The following AVL9 variants were observed in gnomAD, a reference collection of about 807,000 sequenced individuals.
AVL9 encodes late secretory pathway protein AVL9 homolog.
Under a neutral mutation model 79.2 loss-of-function variants are expected in AVL9, and 49 were observed. The observed-to-expected ratio is 0.62, with a 90% CI of 0.49 to 0.79. AVL9 has a LOEUF of 0.79. AVL9 is among the 30% of genes least tolerant of loss of function. AVL9 has a pLI of 0.00. For synonymous variants in AVL9, 299 were observed against 280.6 expected (o/e 1.07, Z -0.65); for missense variants, 682 against 776.8 (o/e 0.88, Z 1.45).
At chr7:32,525,387 A>C (rs1384740876) in intron 1 of AVL9, among the ~76,000 whole-genome samples, 2 of 152,222 alleles carry the variant, frequency 1.3e-5, no homozygotes, top group Non-Finnish European at 2.9e-5. Context: ...CAACAAAGCC[A>C]ACTTAAGAGC....
chr7:32,553,935 A>G (rs973287065), intron 7 of AVL9, among the ~76,000 whole-genome samples, 168 bp downstream of exon 7: 1 of 152,180 alleles, frequency 6.6e-6, no homozygotes, highest in African/African-American at 2.4e-5. Context: ...AACTATACAA[A>G]ATTAAAAGTG....
chr7:32,506,536 T>G (rs1363694170), intron 1 of AVL9, among the ~76,000 whole-genome samples: 1 of 152,158 alleles, frequency 6.6e-6, no homozygotes, highest in Admixed American at 6.5e-5. Context: ...GCACACAATT[T>G]AAGACTTATG....
intron 11 of AVL9, among the ~76,000 whole-genome samples, chr7:32,571,369 A>C (rs1790836349): frequency 6.6e-6 from 1 of 151,812 alleles, no homozygotes. Context: ...CTCTACTAAA[A>C]ATACAAAAAT....
In AVL9 at chr7:32,543,196, T is replaced by C. The variant is rs1789298963; in HGVS notation, c.149T>C (p.Leu50Ser). The change falls in exon 2 of 16, where the codon TTA becomes TCA. Residue 50 changes from leucine to serine, a missense_variant. Physicochemically the swap from Leu to Ser is moderately radical, Grantham distance 145. Coordinates refer to ENST00000318709, the MANE Select transcript of AVL9 (RefSeq NM_015060.3). ...IPGDGHDSHT[L>S]PEEWKYLPFL... ...GGAGATGGACATGACAGCCACACTT[T>C]ACCTGAAGAATGGAAGTATTTGCCC... is the stretch of plus-strand genomic sequence containing the variant. The C allele has an allele frequency of 1.2e-6, 2 of 1,614,074 alleles. No individual in the cohort carries two copies. Among genetic ancestry groups the C allele is most frequent in the Admixed American group, 1.7e-5 (1 of 60,010 alleles).
At chr7:32,505,860 G>C (rs1787391042) in intron 1 of AVL9, among the ~76,000 whole-genome samples, 1 of 152,068 alleles carries the variant, frequency 6.6e-6, no homozygotes, top group Middle Eastern at 3.2e-3. Context: ...TAGGAACCCA[G>C]ACCTCTCTTG....
intron 9 of AVL9, 87 bp downstream of exon 9, chr7:32,558,715 C>T (rs929349121): frequency 5.7e-6 from 7 of 1,224,984 alleles, no homozygotes; most frequent in African/African-American, 3.1e-5. Flanking sequence ...AAGATAAATT[C>T]GTTAGGGTTA....
At chr7:32,564,410 A>G (rs745852754) in intron 10 of AVL9, among the ~76,000 whole-genome samples, 19 of 152,252 alleles carry the variant, frequency 1.2e-4, no homozygotes, top group Admixed American at 3.3e-4. Flanking sequence ...TTTTCTCTTG[A>G]AGATCTTAAA....
chr7:32,572,884 C>A (rs748780868), intron 11 of AVL9, among the ~76,000 whole-genome samples: 6 of 150,938 alleles, frequency 4.0e-5, no homozygotes, highest in Non-Finnish European at 8.8e-5. Context: ...TAAATGTGTT[C>A]ATTTCTGCTA....
In AVL9 at chr7:32,551,605, C is replaced by CTTTTTTTTTTTTTTTTT. The variant is rs60271681; in HGVS notation, c.462+185_462+201dup. ...TGCCCAAATACTAAATTTAACCAAA[C>CTTTTTTTTTTTTTTTTT]TTTTTTTTTTTTTTTTTTTAGGAAA... is the stretch of plus-strand genomic sequence containing the variant. On this transcript the variant is annotated intron_variant, in intron 5 of 15. Transcript: ENST00000318709. 5.3e-5 allele frequency among the ~76,000 whole-genome samples: 5 copies of CTTTTTTTTTTTTTTTTT among 93,752 alleles called. 1 individual carries two copies. Among genetic ancestry groups the CTTTTTTTTTTTTTTTTT allele is most frequent in the African/African-American group, 2.2e-4 (5 of 22,874 alleles). The allele number at this position is 93,752 out of a possible 152,430, so 61.5% of individuals were successfully genotyped here. A position where few individuals can be genotyped will look rare whatever the true frequency, so the allele number is the denominator to read the frequency against.
In AVL9 at chr7:32,544,687, C is replaced by A. The variant is rs763073639; in HGVS notation, c.215-7C>A. On this transcript the variant is annotated splice_region_variant and splice_polypyrimidine_tract_variant and intron_variant, in intron 2 of 15. Coordinates refer to ENST00000318709, the MANE Select transcript of AVL9 (RefSeq NM_015060.3). ...TCACTATTTACATTTTTCTATGTAT[C>A]TCTTAGATACTGTGTTTTTTCACTT... The A allele has an allele frequency of 1.9e-6, 3 of 1,604,282 alleles. No homozygotes were observed. The East Asian group carries it at 6.7e-5, about 36-fold the overall frequency.
intron 10 of AVL9, among the ~76,000 whole-genome samples, chr7:32,560,253 T>G (rs1790273641): frequency 1.4e-5 from 1 of 73,990 alleles, no homozygotes; most frequent in Non-Finnish European, 3.1e-5. Flanking sequence ...AATTTAATAA[T>G]TATTTTAAAA....
intron 7 of AVL9, among the ~76,000 whole-genome samples, 200 bp from the exon 8 acceptor site, chr7:32,554,356 TCA>T (rs1015665342): frequency 1.1e-4 from 16 of 152,290 alleles, no homozygotes; most frequent in African/African-American, 3.8e-4. Flanking sequence ...AAAAATAATT[TCA>T]GTTAGAGATT....
At chr7:32,562,913 A>G (rs1790390196) in intron 10 of AVL9, among the ~76,000 whole-genome samples, 1 of 152,198 alleles carries the variant, frequency 6.6e-6, no homozygotes, top group Non-Finnish European at 1.5e-5. Context: ...TACAGTTTAG[A>G]GTAAGACCCT....
intron 1 of AVL9, among the ~76,000 whole-genome samples, chr7:32,517,759 A>G (rs1787968321): frequency 6.6e-6 from 1 of 151,950 alleles, no homozygotes; most frequent in African/African-American, 2.4e-5. Flanking sequence ...ATTTGGCATA[A>G]GCATTATTAA....
At chr7:32,522,462 C>A (rs1021243878) in intron 1 of AVL9, among the ~76,000 whole-genome samples, 6 of 152,126 alleles carry the variant, frequency 3.9e-5, no homozygotes, top group Non-Finnish European at 1.5e-5. Flanking sequence ...TTGCATGGGA[C>A]CCGTAACCCC....
chr7:32,532,056 A>G (rs150169850), intron 1 of AVL9: 1 of 152,242 alleles, frequency 6.6e-6, no homozygotes, highest in East Asian at 1.9e-4. Flanking sequence ...GAACGAATTG[A>G]AGGGTGGTAA....
At chr7:32,539,071 G>A (rs987805924) in intron 1 of AVL9, 1 of 152,282 alleles carries the variant, frequency 6.6e-6, no homozygotes, top group East Asian at 1.9e-4. Flanking sequence ...GACCAACATG[G>A]AGAAACCCCG....
At position 32,548,924 on chromosome 7, in the gene AVL9, A is replaced by T. The variant is rs767479386; in HGVS notation, c.372+6A>T. 3.9e-6 allele frequency: 6 copies of T among 1,548,878 alleles called. No homozygotes were observed. In the African/African-American group the frequency reaches 8.3e-5, roughly 21 times the overall value. ...TCTGTGTTCTAAGCAAGCTGGTAAG[A>T]GACGAAGTAACTTGTTCATTATGTT... On this transcript the variant is annotated splice_donor_region_variant and intron_variant, in intron 4 of 15. Coordinates refer to ENST00000318709, the MANE Select transcript of AVL9 (RefSeq NM_015060.3).
intron 1 of AVL9, among the ~76,000 whole-genome samples, chr7:32,509,918 A>G (rs1249991073): frequency 6.6e-6 from 1 of 152,248 alleles, no homozygotes; most frequent in Admixed American, 6.5e-5. Flanking sequence ...AATGAGGATT[A>G]AGGCAAAATA....
Sources: gnomAD v4.1 joint callset for allele counts (sites outside exome capture counted in the v4.1 genomes callset) on GRCh38, gnomAD v4.1.1 for gene constraint, MANE v1.5 for transcripts, NCBI Gene and HGNC (gene_info 2026-07-23, HGNC 2026-07-21) for gene names.